The following RASA2 variants were observed in gnomAD, a reference collection of about 807,000 sequenced individuals.
RASA2 encodes ras GTPase-activating protein 2.
Under a neutral mutation model 118.2 loss-of-function variants are expected in RASA2, and 155 were observed. That is an observed-to-expected ratio of 1.31 (90% CI 1.15 to 1.50). The LOEUF (loss-of-function observed/expected upper bound fraction) is 1.50. Ranked by LOEUF, RASA2 falls within the 40% of genes most tolerant of loss-of-function variation. The pLI is 0.00. For missense variants in RASA2, 1,016 were observed against 1,009.6 expected (o/e 1.01, Z -0.09); for synonymous variants, 353 against 349.1 (o/e 1.01, Z -0.12).
chr3:141,509,614 A>C (rs2081920561), intron 1 of RASA2, among the ~76,000 whole-genome samples: 1 of 152,218 alleles, frequency 6.6e-6, no homozygotes, highest in Admixed American at 6.5e-5. Context: ...AAAAAGTCTA[A>C]ATTATGCAGA....
At chr3:141,557,697 C>G (rs993397268) in intron 7 of RASA2, among the ~76,000 whole-genome samples, 2 of 151,734 alleles carry the variant, frequency 1.3e-5, no homozygotes, top group Non-Finnish European at 2.9e-5. Flanking sequence ...GACTGTTGTA[C>G]TTTAGGTGTA....
intron 1 of RASA2, among the ~76,000 whole-genome samples, chr3:141,487,878 G>GC (rs1290634562): frequency 7.9e-5 from 12 of 152,186 alleles, no homozygotes; most frequent in Admixed American, 2.0e-4. Flanking sequence ...GCCCCACCTC[G>GC]CTGCGGCCGG....
intron 15 of RASA2, among the ~76,000 whole-genome samples, chr3:141,577,722 G>A (rs190266558): frequency 7.2e-5 from 11 of 152,206 alleles, no homozygotes; most frequent in South Asian, 2.1e-4. Flanking sequence ...AGTGAAAGGC[G>A]TAGGAACTTT....
intron 19 of RASA2, among the ~76,000 whole-genome samples, chr3:141,607,127 A>G (rs1162079722): frequency 2.6e-5 from 4 of 152,038 alleles, no homozygotes; most frequent in African/African-American, 7.2e-5. Context: ...TTTTCCCTAC[A>G]TCTCTTAAAT....
intron 23 of RASA2, among the ~76,000 whole-genome samples, chr3:141,610,410 ATT>A (rs1559799600): frequency 3.6e-4 from 38 of 105,202 alleles, no homozygotes; most frequent in African/African-American, 1.3e-3. Flanking sequence ...TATATTATAT[ATT>A]TATATTTATA....
At chr3:141,577,248 T>G in intron 15 of RASA2, 142 bp downstream of exon 15, 6 of 589,452 alleles carry the variant, frequency 1.0e-5, no homozygotes. Flanking sequence ...TCTTGGCCAT[T>G]TCAGTCTTTC....
chr3:141,504,671 T>A (rs2081837257), intron 1 of RASA2, among the ~76,000 whole-genome samples: 1 of 152,156 alleles, frequency 6.6e-6, no homozygotes, highest in Non-Finnish European at 1.5e-5. Flanking sequence ...CTTTCCCCTC[T>A]GCACTGATTT....
chr3:141,554,742 A>G (rs1212495731), intron 6 of RASA2, among the ~76,000 whole-genome samples: 1 of 152,210 alleles, frequency 6.6e-6, no homozygotes, highest in Non-Finnish European at 1.5e-5. Flanking sequence ...TTATGTATGT[A>G]TGTAAAGTAC....
At chr3:141,514,924 T>C (rs1368077211) in intron 2 of RASA2, among the ~76,000 whole-genome samples, 1 of 152,202 alleles carries the variant, frequency 6.6e-6, no homozygotes, top group Non-Finnish European at 1.5e-5. Context: ...TACTATATGA[T>C]TCTATTTATG....
intron 19 of RASA2, among the ~76,000 whole-genome samples, chr3:141,595,043 A>G (rs750453783): frequency 2.5e-4 from 38 of 152,218 alleles, no homozygotes; most frequent in Non-Finnish European, 4.3e-4. Context: ...GAAGTGATGC[A>G]AGAATAATTT....
rs571312226 is a variant in RASA2, at chr3:141,549,610, T to C, written c.528-4247T>C. ...TCCAAAACAGTAGCCACTAGCCATG[T>C]GTGGATATTGAAAACTTGAAATACA... On this transcript the variant is annotated intron_variant, in intron 5 of 23. Coordinates refer to ENST00000286364, the MANE Select transcript of RASA2 (RefSeq NM_006506.5). 1.5e-3 allele frequency among the ~76,000 whole-genome samples: 232 copies of C among 152,294 alleles called. 1 individual carries two copies. Among genetic ancestry groups the C allele is most frequent in the Non-Finnish European group, 2.7e-3 (183 of 68,028 alleles).
intron 9 of RASA2, among the ~76,000 whole-genome samples, chr3:141,570,661 C>CT (rs2082903695): frequency 6.6e-6 from 1 of 152,144 alleles, no homozygotes; most frequent in South Asian, 2.1e-4. Flanking sequence ...TGTTCAACTC[C>CT]TTTGAGATCT....
intron 19 of RASA2, among the ~76,000 whole-genome samples, chr3:141,603,119 G>A (rs1053455077): frequency 2.6e-5 from 4 of 152,054 alleles, no homozygotes; most frequent in Admixed American, 6.5e-5. Context: ...TTGTTTTCCC[G>A]TGCCCTGAAG....
At chr3:141,548,172 T>C (rs2082516091) in intron 5 of RASA2, among the ~76,000 whole-genome samples, 1 of 152,196 alleles carries the variant, frequency 6.6e-6, no homozygotes, top group African/African-American at 2.4e-5. Context: ...CTCTCTGGTT[T>C]GGTATCAGGG....
At chr3:141,568,309 T>C (rs1414984491) in intron 9 of RASA2, among the ~76,000 whole-genome samples, 1 of 152,118 alleles carries the variant, frequency 6.6e-6, no homozygotes, top group Non-Finnish European at 1.5e-5. Context: ...ATAACATTTT[T>C]GTAAACTGAC....
intron 7 of RASA2, 144 bp from the exon 8 acceptor site, chr3:141,558,742 A>G (rs1346003261): frequency 9.2e-6 from 6 of 653,060 alleles, no homozygotes; most frequent in African/African-American, 1.9e-5. Flanking sequence ...AGTTGCTTTT[A>G]TATTCAGCTA....
At chr3:141,575,005 C>G (rs2082988755) in intron 14 of RASA2, among the ~76,000 whole-genome samples, 1 of 152,154 alleles carries the variant, frequency 6.6e-6, no homozygotes, top group African/African-American at 2.4e-5. Flanking sequence ...ACTGTCGCTG[C>G]TAATACTTAG....
intron 1 of RASA2, among the ~76,000 whole-genome samples, chr3:141,499,380 A>T (rs1401533653): frequency 6.6e-6 from 1 of 152,154 alleles, no homozygotes; most frequent in African/African-American, 2.4e-5. Context: ...GGATTGCCTT[A>T]TTTATGTGGA....
intron 19 of RASA2, among the ~76,000 whole-genome samples, chr3:141,596,709 A>G (rs1172535051): frequency 1.3e-5 from 2 of 152,254 alleles, no homozygotes. Flanking sequence ...GCTCAACATC[A>G]TTATTAGGGA....
Sources: allele counts gnomAD v4.1 joint callset (sites outside exome capture counted in the v4.1 genomes callset), GRCh38; gene constraint gnomAD v4.1.1; transcripts MANE v1.5; gene names NCBI Gene and HGNC (gene_info 2026-07-23, HGNC 2026-07-21).